The following ZNF577 variants were observed in gnomAD, a reference collection of about 807,000 sequenced individuals.
ZNF577 encodes zinc finger protein 577.
In ZNF577, 14 loss-of-function variants were observed where a neutral mutation model predicts 13.9. That is an observed-to-expected ratio of 1.00 (90% CI 0.66 to 1.57). The LOEUF (loss-of-function observed/expected upper bound fraction) is 1.57, where lower values mean the gene tolerates loss of function less well. ZNF577 is among the 40% of genes most tolerant of loss of function. ZNF577 has a pLI of 0.00. For missense variants in ZNF577, 555 were observed against 579.2 expected (o/e 0.96, Z 0.43); for synonymous variants, 203 against 202.9 (o/e 1.00, Z 0.00).
Position 51,877,645 on chromosome 19 carries a change from G to T in ZNF577, c.188-268C>A, listed in dbSNP as rs576576339. 7.8e-3 allele frequency: 2,478 copies of T among 316,606 alleles called. 68 individuals are homozygous for T. The highest frequency in any genetic ancestry group is 0.05 in the African/African-American group (2,290 of 46,090). 19.6% of individuals were successfully genotyped at this position (316,606 alleles called of 1,614,324 possible). The stretch of plus-strand genomic sequence containing the variant: ...TTGTTGGCAAAGATGTGGAGAAACT[G>T]GGACCCTGTGTACTCTTGGTGGGAA... On this transcript the variant is annotated intron_variant, in intron 4 of 5. Transcript: ENST00000638348.
intron 9 of ZNF577, among the ~76,000 whole-genome samples, chr19:51,815,854 C>G (rs867175439): frequency 6.9e-6 from 1 of 144,548 alleles, no homozygotes; most frequent in Admixed American, 7.0e-5. Flanking sequence ...AGAATGAGAC[C>G]CTGTCTCAAA....
intron 9 of ZNF577, among the ~76,000 whole-genome samples, chr19:51,829,896 C>T (rs2084253280): frequency 6.6e-6 from 1 of 152,158 alleles, no homozygotes; most frequent in South Asian, 2.1e-4. Flanking sequence ...AAGTGGGGCA[C>T]CTTCAAAAGG....
rs1363951419 is a variant in ZNF577, at chr19:51,880,360, AT to A, written c.22del (p.Met8CysfsTer3). The stretch of plus-strand genomic sequence containing the variant: ...ACTGCCTTGCTCTCTCCTCACAGAC[AT>A]TACAATCGTGGCATTTTTCATGTGT... MKNATIV[M>X]SVRREQGSSS... On this transcript the variant is annotated frameshift_variant, in exon 3 of 6. Coordinates refer to ENST00000638348, the MANE Select transcript of ZNF577 (RefSeq NM_001370449.1). LOFTEE classifies it high-confidence loss of function. 2 of 1,614,050 alleles carry A rather than the reference AT, an allele frequency of 1.2e-6. No individual in the cohort carries two copies. The highest frequency in any genetic ancestry group is 2.7e-5 in the African/African-American group (2 of 74,938).
At chr19:51,862,395 A>G, downstream of ZNF577, 1 of 152,754 alleles carries the variant, frequency 6.5e-6, no homozygotes, top group South Asian at 2.1e-4. Context: ...CACTGCATCC[A>G]TAGGGTCTTT....
chr19:51,820,899 C>A (rs907979862), intron 9 of ZNF577, among the ~76,000 whole-genome samples: 1 of 152,202 alleles, frequency 6.6e-6, no homozygotes, highest in Non-Finnish European at 1.5e-5. Context: ...CAGATTAACA[C>A]GTCTCATCTG....
At chr19:51,818,217 G>A (rs1424484142) in intron 9 of ZNF577, among the ~76,000 whole-genome samples, 3 of 152,026 alleles carry the variant, frequency 2.0e-5, no homozygotes, top group Non-Finnish European at 4.4e-5. Flanking sequence ...AAAAAAGAAC[G>A]CCATGTATCT....
In ZNF577 at chr19:51,880,796, T is replaced by C. The variant is rs749524460; in HGVS notation, c.-137A>G. On this transcript the variant is annotated 5_prime_UTR_variant, in exon 2 of 6. Transcript: ENST00000638348. ...GGTCAGGTATCATCTCAGGTCAAGCTACCACTGGAAATGATGATCTTCCCC... is the reference window on the plus strand; with the variant it reads ...GGTCAGGTATCATCTCAGGTCAAGCCACCACTGGAAATGATGATCTTCCCC... 2.9e-4 allele frequency: 47 copies of C among 162,500 alleles called. 1 individual carries two copies. Among genetic ancestry groups the C allele is most frequent in the Non-Finnish European group, 3.5e-4 (26 of 74,988 alleles). 10.1% of individuals were successfully genotyped at this position (162,500 alleles called of 1,614,324 possible).
chr19:51,829,233 G>A (rs1014065721), intron 9 of ZNF577, among the ~76,000 whole-genome samples: 10 of 152,134 alleles, frequency 6.6e-5, no homozygotes, highest in East Asian at 3.9e-4. Context: ...CACAGACACC[G>A]AGGAGGGAGC....
At chr19:51,847,219 C>A (rs1294096359) in intron 5 of ZNF577, among the ~76,000 whole-genome samples, 2 of 152,190 alleles carry the variant, frequency 1.3e-5, no homozygotes, top group East Asian at 3.8e-4. Flanking sequence ...TATTGCTATT[C>A]TTTCGAGTTT....
chr19:51,856,787 G>T (rs55717611), intron 5 of ZNF577, among the ~76,000 whole-genome samples: 17,816 of 152,114 alleles, frequency 0.12, 1,317 homozygotes, highest in Middle Eastern at 0.16. Context: ...CTGCATGAAA[G>T]GTGGTAGTAT....
At chr19:51,816,963 C>G (rs1203688985) in intron 9 of ZNF577, among the ~76,000 whole-genome samples, 1 of 152,090 alleles carries the variant, frequency 6.6e-6, no homozygotes, top group East Asian at 1.9e-4. Flanking sequence ...ATTTTTTCAC[C>G]TTGGTAATTT....
At position 51,880,350 on chromosome 19, in the gene ZNF577, C is replaced by G. The variant is rs1455460850; in HGVS notation, c.33G>C (p.Arg11Ser). The G allele has an allele frequency of 6.2e-7, 1 of 1,614,126 alleles. No individual in the cohort carries two copies. Among genetic ancestry groups the G allele is most frequent in the Admixed American group, 1.7e-5 (1 of 60,020 alleles). The change falls in exon 3 of 6, where the codon AGG becomes AGC. Residue 11 changes from arginine (R) to serine (S), a missense_variant. By Grantham distance (110) the Arg-to-Ser change is moderately radical. Coordinates refer to ENST00000638348, the MANE Select transcript of ZNF577 (RefSeq NM_001370449.1). ...CCCCTGAAGAACTGCCTTGCTCTCT[C>G]CTCACAGACATTACAATCGTGGCAT... Reference protein sequence around the residue: MKNATIVMSVRREQGSSSGEG... With the variant: MKNATIVMSVSREQGSSSGEG...
intron 9 of ZNF577, among the ~76,000 whole-genome samples, chr19:51,829,387 T>C (rs1463894555): frequency 6.8e-6 from 1 of 147,710 alleles, no homozygotes; most frequent in East Asian, 2.2e-4. Context: ...AGCAGTCCTG[T>C]GCACAGATGA....
At chr19:51,821,610 A>G (rs527914444) in intron 9 of ZNF577, among the ~76,000 whole-genome samples, 6 of 152,320 alleles carry the variant, frequency 3.9e-5, no homozygotes, top group Admixed American at 3.3e-4. Flanking sequence ...GAAGAGAGAA[A>G]GGGAAAGGAG....
chr19:51,882,440 G>A (rs141820890), intron 1 of ZNF577, among the ~76,000 whole-genome samples: 1 of 151,424 alleles, frequency 6.6e-6, no homozygotes, highest in Non-Finnish European at 1.5e-5. Flanking sequence ...TCTTAAGAAA[G>A]GGGGCTTGGT....
intron 5 of ZNF577, chr19:51,860,491 T>G (rs1174655381): frequency 6.5e-6 from 1 of 152,748 alleles, no homozygotes; most frequent in Non-Finnish European, 1.5e-5. Context: ...ATAACTGAGT[T>G]AGGGGGCAAT....
At chr19:51,819,109 C>A (rs973988743) in intron 9 of ZNF577, among the ~76,000 whole-genome samples, 1 of 151,986 alleles carries the variant, frequency 6.6e-6, no homozygotes, top group African/African-American at 2.4e-5. Context: ...AAGGTGAGTT[C>A]TACATTTAGA....
intron 9 of ZNF577, among the ~76,000 whole-genome samples, chr19:51,818,498 T>C (rs1342771157): frequency 1.3e-5 from 2 of 152,070 alleles, no homozygotes; most frequent in Non-Finnish European, 2.9e-5. Flanking sequence ...TGATAGAAAA[T>C]AAATGAACAA....
chr19:51,860,848 T>C (rs762216383), intron 5 of ZNF577: 1 of 365,540 alleles, frequency 2.7e-6, no homozygotes, highest in Non-Finnish European at 5.2e-6. Context: ...ATCTATGAGA[T>C]TTCTCTCGTA....
Sources: gnomAD v4.1 joint callset for allele counts (sites outside exome capture counted in the v4.1 genomes callset) on GRCh38, gnomAD v4.1.1 for gene constraint, MANE v1.5 for transcripts, NCBI Gene and HGNC (gene_info 2026-07-23, HGNC 2026-07-21) for gene names.